EPB41L1: variants seen among roughly 807,000 people sequenced by gnomAD.
EPB41L1 encodes the protein erythrocyte membrane protein band 4.1 like 1, also known as band 4.1-like protein 1.
Under a neutral mutation model 97.8 loss-of-function variants are expected in EPB41L1, and 29 were observed. The observed-to-expected ratio is 0.30, with a 90% CI of 0.22 to 0.40. The LOEUF is 0.40. Among genes scored for constraint, EPB41L1 ranks in the 10% least tolerant of loss-of-function variants. The probability of loss-of-function intolerance (pLI) is 1.00; values close to 1 mark genes in which losing one functional copy is unlikely to be tolerated. For missense variants in EPB41L1, 812 were observed against 1,162.3 expected (o/e 0.70, Z 4.38); for synonymous variants, 383 against 459.2 (o/e 0.83, Z 2.12).
intron 1 of EPB41L1, among the ~76,000 whole-genome samples, chr20:36,107,534 TA>T (rs2058234503): frequency 6.6e-6 from 1 of 150,416 alleles, no homozygotes. Flanking sequence ...TTTTTTTTTT[TA>T]AATCATAAAG....
At chr20:36,122,826 G>T (rs891975932) in intron 2 of EPB41L1, 1 of 152,258 alleles carries the variant, frequency 6.6e-6, no homozygotes, top group Non-Finnish European at 1.5e-5. Flanking sequence ...TGGGCTCAGT[G>T]ATCCTCAGAC....
At position 36,093,349 on chromosome 20, in the gene EPB41L1, G is replaced by T. The variant is rs1349962367; in HGVS notation, c.-65+1737G>T. 6.6e-6 allele frequency among the ~76,000 whole-genome samples: 1 copy of T among 150,836 alleles called. No individual in the cohort carries two copies. Among genetic ancestry groups the T allele is most frequent in the Non-Finnish European group, 1.5e-5 (1 of 67,606 alleles). On this transcript the variant is annotated intron_variant, in intron 1 of 19. Transcript: ENST00000202028. The surrounding 1 kb of genome is among the most constrained non-coding windows in gnomAD (Gnocchi z 5.4). ...TGTGTGTGTGCGCGCGCGTCGCTGT[G>T]TGCGCGCCAGTGTAACTCCCGTGTG...
At position 36,167,962 on chromosome 20, in the gene EPB41L1, A is replaced by G. The variant is rs141804641; in HGVS notation, c.-14-5802A>G. Among the ~76,000 whole-genome samples, 1,311 of 152,126 alleles carry G rather than the reference A, an allele frequency of 8.6e-3. 27 individuals are homozygous for G. Among genetic ancestry groups the G allele is most frequent in the African/African-American group, 0.03 (1,228 of 41,492 alleles). On this transcript the variant is annotated intron_variant, in intron 1 of 21. Coordinates refer to ENST00000338074, the MANE Select transcript of EPB41L1 (RefSeq NM_012156.2). ...CAAGTTACTGGACTCAGAGATGCTGACTCATGCTAACCCTGGTTAGAGGGC... is the reference window on the plus strand; with the variant it reads ...CAAGTTACTGGACTCAGAGATGCTGGCTCATGCTAACCCTGGTTAGAGGGC...
chr20:36,218,848 G>A (rs1490916931), intron 17 of EPB41L1, 28 bp from the exon 18 acceptor site: 3 of 1,610,940 alleles, frequency 1.9e-6, no homozygotes, highest in Non-Finnish European at 2.5e-6. Flanking sequence ...GCTGAGAGCT[G>A]GCCATCTGAG....
chr20:36,097,000 T>G (rs1233376844), intron 1 of EPB41L1, among the ~76,000 whole-genome samples: 1 of 152,250 alleles, frequency 6.6e-6, no homozygotes, highest in Non-Finnish European at 1.5e-5. Context: ...ATTTGAGCAC[T>G]CACCGTGGGT....
At chr20:36,122,467 T>C (rs1358864148) in intron 2 of EPB41L1, among the ~76,000 whole-genome samples, 1 of 152,176 alleles carries the variant, frequency 6.6e-6, no homozygotes, top group Non-Finnish European at 1.5e-5. Context: ...TGGTTCTTGG[T>C]GTCTACCGCC....
chr20:36,205,154 C>T (rs2062729513), intron 14 of EPB41L1, among the ~76,000 whole-genome samples: 1 of 152,202 alleles, frequency 6.6e-6, no homozygotes, highest in Non-Finnish European at 1.5e-5. Flanking sequence ...ATCTCCATGA[C>T]TACTATGCTT....
intron 14 of EPB41L1, among the ~76,000 whole-genome samples, chr20:36,204,320 G>T (rs2062668170): frequency 6.6e-6 from 1 of 151,968 alleles, no homozygotes; most frequent in African/African-American, 2.4e-5. Flanking sequence ...TTTGTGGGAA[G>T]TATCCTGTGG....
intron 2 of EPB41L1, among the ~76,000 whole-genome samples, chr20:36,114,108 T>C (rs1398445279): frequency 6.6e-6 from 1 of 152,218 alleles, no homozygotes; most frequent in African/African-American, 2.4e-5. Context: ...GTCTCATGAC[T>C]TCCCCTTTCT....
intron 1 of EPB41L1, among the ~76,000 whole-genome samples, chr20:36,170,493 GT>G (rs1268508218): frequency 2.0e-5 from 3 of 151,900 alleles, no homozygotes; most frequent in East Asian, 1.9e-4. Context: ...GATTTTTTAC[GT>G]TTTTTTCCTT....
intron 1 of EPB41L1, chr20:36,110,580 TACAC>T (rs150633888): frequency 0.051 from 7,581 of 148,570 alleles, 634 homozygotes; most frequent in African/African-American, 0.18. Context: ...TTGCATTTGT[TACAC>T]ACACACACTC....
At chr20:36,156,572 G>A (rs2145548506) in intron 1 of EPB41L1, among the ~76,000 whole-genome samples, 1 of 152,314 alleles carries the variant, frequency 6.6e-6, no homozygotes, top group South Asian at 2.1e-4. Context: ...CAGCTCAGGT[G>A]CTGGCTTCCC....
At chr20:36,176,632 T>C (rs1298512649) in intron 3 of EPB41L1, among the ~76,000 whole-genome samples, 1 of 146,708 alleles carries the variant, frequency 6.8e-6, no homozygotes, top group African/African-American at 2.5e-5. Flanking sequence ...TTTTTTTTCT[T>C]TTTTTTTTTT....
chr20:36,094,579 C>G (rs147930148), intron 1 of EPB41L1, among the ~76,000 whole-genome samples: 22 of 152,194 alleles, frequency 1.4e-4, no homozygotes, highest in African/African-American at 4.8e-4. Context: ...TGCCAAGATA[C>G]AGGACACAGG....
Position 36,212,284 on chromosome 20 carries a change from G to C in EPB41L1, c.2092G>C (p.Glu698Gln). ...CCTTTTCCTACAGCCCGTGAAAACA[G>C]AAACCATGACTGTCAGCAGTCTGGC... ...DMPQFEPVKT[E>Q]TMTVSSLAIR... The change falls in exon 16 of 22, where the codon GAA becomes CAA. Residue 698 changes from glutamate (E) to glutamine (Q), a missense_variant. Glu to Gln is a conservative substitution (Grantham distance 29). Coordinates refer to ENST00000338074, the MANE Select transcript of EPB41L1 (RefSeq NM_012156.2). This position sits in a 1 kb window ranked among gnomAD's most constrained non-coding sequence, Gnocchi z 4.8. 6.2e-7 allele frequency: 1 copy of C among 1,614,238 alleles called. No individual in the cohort carries two copies. The highest frequency in any genetic ancestry group is 8.5e-7 in the Non-Finnish European group (1 of 1,180,052).
At chr20:36,155,764 G>GGA in intron 1 of EPB41L1, 1 of 408,664 alleles carries the variant, frequency 2.4e-6, no homozygotes, top group Non-Finnish European at 5.0e-6. Context: ...CATTGGTGGG[G>GGA]GAGAGAGCAC....
intron 15 of EPB41L1, among the ~76,000 whole-genome samples, chr20:36,210,727 G>A (rs2063084171): frequency 3.3e-5 from 5 of 151,768 alleles, no homozygotes; most frequent in Admixed American, 3.3e-4. Flanking sequence ...CAGAAATATC[G>A]CCCCCCTACC....
intron 19 of EPB41L1, 122 bp from the exon 20 acceptor site, chr20:36,221,742 A>G: frequency 2.4e-6 from 2 of 841,070 alleles, no homozygotes; most frequent in African/African-American, 3.3e-5. Context: ...TGAGGAAGTC[A>G]GGAGAGAAGG....
chr20:36,185,208 G>T lies in EPB41L1; in HGVS notation c.658G>T (p.Val220Leu). 6.2e-7 allele frequency: 1 copy of T among 1,613,760 alleles called. No homozygotes were observed. The highest frequency in any genetic ancestry group is 8.5e-7 in the Non-Finnish European group (1 of 1,180,038). ...GCATGCCCTACTGGGCTCCTACGCTGTGCAGGCTGAGCTGGGTGACTATGA... is the reference window on the plus strand; with the variant it reads ...GCATGCCCTACTGGGCTCCTACGCTTTGCAGGCTGAGCTGGGTGACTATGA... ...VTHALLGSYA[V>L]QAELGDYDAE... The change falls in exon 7 of 22, where the codon GTG (valine) becomes TTG (leucine). Residue 220 changes from valine (V) to leucine (L), a missense_variant. This residue lies in a region of EPB41L1 where 230 missense variants were observed against 445.2 expected (regional missense o/e 0.52). Coordinates refer to ENST00000338074, the MANE Select transcript of EPB41L1 (RefSeq NM_012156.2).
Sources: gnomAD v4.1 joint callset for allele counts (sites outside exome capture counted in the v4.1 genomes callset) on GRCh38, gnomAD v4.1.1 for gene constraint, gnomAD v4.1.1 regional missense constraint, Gnocchi (gnomAD v3.1) non-coding constraint, MANE v1.5 for transcripts, NCBI Gene and HGNC (gene_info 2026-07-23, HGNC 2026-07-21) for gene names.